Variants in FBXL7 observed in about 807,000 individuals in gnomAD.
FBXL7 encodes the protein F-box and leucine rich repeat protein 7, also known as F-box/LRR-repeat protein 7.
In FBXL7, 12 loss-of-function variants were observed where a neutral mutation model predicts 38.3. That is an observed-to-expected ratio of 0.31 (90% CI 0.20 to 0.51). The LOEUF (loss-of-function observed/expected upper bound fraction) is 0.51. Ranked by LOEUF, FBXL7 falls within the 20% of genes least tolerant of loss-of-function variation. The pLI is 0.98. For synonymous variants in FBXL7, 297 were observed against 300.9 expected (o/e 0.99, Z 0.13); for missense variants, 567 against 676.4 (o/e 0.84, Z 1.79).
At chr5:15,731,605 T>C (rs1735586587) in intron 2 of FBXL7, among the ~76,000 whole-genome samples, 1 of 151,966 alleles carries the variant, frequency 6.6e-6, no homozygotes, top group South Asian at 2.1e-4. Flanking sequence ...AAAAAATGAA[T>C]GTGCAGAGGG....
chr5:15,832,981 G>A (rs1387154752), intron 2 of FBXL7, among the ~76,000 whole-genome samples: 4 of 152,028 alleles, frequency 2.6e-5, no homozygotes, highest in Non-Finnish European at 4.4e-5. Flanking sequence ...ATATCTGATG[G>A]TTTTATAAAG....
intron 2 of FBXL7, among the ~76,000 whole-genome samples, chr5:15,687,413 C>G (rs890630420): frequency 1.3e-5 from 2 of 152,188 alleles, no homozygotes; most frequent in African/African-American, 4.8e-5. Context: ...AGAACCTGCC[C>G]CTGTTCCTTT....
At chr5:15,629,114 C>CAA (rs61037630) in intron 2 of FBXL7, among the ~76,000 whole-genome samples, 2 of 140,082 alleles carry the variant, frequency 1.4e-5, no homozygotes, top group African/African-American at 5.3e-5. Flanking sequence ...CTCGTTTCTA[C>CAA]AAAAAAAAAA....
chr5:15,699,334 A>G (rs938369197), intron 2 of FBXL7, among the ~76,000 whole-genome samples: 4 of 152,188 alleles, frequency 2.6e-5, no homozygotes, highest in African/African-American at 9.6e-5. Context: ...GACTGTGGGT[A>G]GCGACCTTCC....
intron 2 of FBXL7, among the ~76,000 whole-genome samples, chr5:15,692,729 A>G (rs986651460): frequency 1.4e-4 from 22 of 152,320 alleles, no homozygotes; most frequent in Non-Finnish European, 2.2e-4. Flanking sequence ...TGTTATTCGT[A>G]CATAGGGCTA....
At chr5:15,597,552 G>A (rs1463193559) in intron 1 of FBXL7, among the ~76,000 whole-genome samples, 2 of 143,110 alleles carry the variant, frequency 1.4e-5, no homozygotes, top group Non-Finnish European at 1.5e-5. Flanking sequence ...TAATTTCAAC[G>A]AGTTGAAGGC....
rs1194282334 is a variant in FBXL7, at chr5:15,937,346, A to G, written c.*160A>G. The G allele has an allele frequency of 2.2e-6, 2 of 900,174 alleles. No individual in the cohort carries two copies. The highest frequency in any genetic ancestry group is 1.9e-5 in the South Asian group (1 of 52,710). The allele number at this position is 900,174 out of a possible 1,614,324, so 55.8% of individuals were successfully genotyped here. On this transcript the variant is annotated 3_prime_UTR_variant, in exon 4 of 4. Coordinates refer to ENST00000504595, the MANE Select transcript of FBXL7 (RefSeq NM_012304.5). ...TTATTTTTCCTCATTTCTCATGGGC[A>G]ACAGAGGCCAAAGAAACGAAGCAAG...
intron 2 of FBXL7, among the ~76,000 whole-genome samples, chr5:15,890,523 G>A (rs1458869893): frequency 1.3e-5 from 2 of 152,154 alleles, no homozygotes; most frequent in Non-Finnish European, 2.9e-5. Context: ...TTACAGGTGT[G>A]AGTCACCGTG....
At chr5:15,631,372 G>A (rs749954540) in intron 2 of FBXL7, among the ~76,000 whole-genome samples, 15 of 152,208 alleles carry the variant, frequency 9.9e-5, no homozygotes, top group Non-Finnish European at 1.5e-4. Flanking sequence ...CCTTGGTGTC[G>A]TGAAAATATA....
intron 2 of FBXL7, among the ~76,000 whole-genome samples, chr5:15,782,810 C>A (rs1032926307): frequency 9.9e-5 from 15 of 151,736 alleles, no homozygotes; most frequent in African/African-American, 3.4e-4. Context: ...TTTTAATAGC[C>A]GAGGTTGGGA....
intron 2 of FBXL7, among the ~76,000 whole-genome samples, chr5:15,776,751 A>G (rs977360528): frequency 1.3e-5 from 2 of 152,152 alleles, no homozygotes; most frequent in Non-Finnish European, 2.9e-5. Flanking sequence ...AGCTTTTTTC[A>G]GAAGCATATT....
At chr5:15,869,421 C>T (rs964996758) in intron 2 of FBXL7, among the ~76,000 whole-genome samples, 22 of 152,108 alleles carry the variant, frequency 1.4e-4, no homozygotes, top group African/African-American at 4.1e-4. Flanking sequence ...TACTTCCGGC[C>T]GACACATGTG....
intron 2 of FBXL7, among the ~76,000 whole-genome samples, chr5:15,690,996 T>TC (rs1743164846): frequency 6.6e-6 from 1 of 152,250 alleles, no homozygotes. Flanking sequence ...GCCCTTTTCA[T>TC]CTTCACTTAA....
chr5:15,826,527 T>C (rs1738313961), intron 2 of FBXL7, among the ~76,000 whole-genome samples: 1 of 152,204 alleles, frequency 6.6e-6, no homozygotes, highest in African/African-American at 2.4e-5. Context: ...CTAGTGATTC[T>C]TGTGCCTCAG....
intron 1 of FBXL7, among the ~76,000 whole-genome samples, chr5:15,569,795 A>T (rs1307337688): frequency 1.3e-5 from 2 of 152,210 alleles, no homozygotes; most frequent in Non-Finnish European, 2.9e-5. Flanking sequence ...AGTTTTTAGC[A>T]TGAAGCGTTG....
rs777273425 is a variant in FBXL7, at chr5:15,936,607, G to T, written c.897G>T (p.Gln299His). ...GLHTIAAHCT[Q>H]LTHLYLRRCV... is the part of the protein sequence containing the mutation. Reference sequence around the variant, plus strand: ...ACACCATCGCGGCGCACTGCACGCAGCTCACCCACCTCTACCTGCGCCGCT... The same window carrying T: ...ACACCATCGCGGCGCACTGCACGCATCTCACCCACCTCTACCTGCGCCGCT... Residue 299 changes from glutamine to histidine, a missense_variant, in exon 4 of 4, where the codon CAG (glutamine) becomes CAT (histidine). Coordinates refer to ENST00000504595, the MANE Select transcript of FBXL7 (RefSeq NM_012304.5). This position sits in a 1 kb window ranked among gnomAD's most constrained non-coding sequence, Gnocchi z 6.0. 1 of 1,610,756 alleles carries T rather than the reference G, an allele frequency of 6.2e-7. No homozygotes were observed.
intron 1 of FBXL7, chr5:15,501,611 A>C (rs1013292694): frequency 1.0e-6 from 1 of 985,408 alleles, no homozygotes; most frequent in Admixed American, 6.1e-5. Flanking sequence ...AGTTGGTTAC[A>C]AAGGAGGGGC....
intron 2 of FBXL7, among the ~76,000 whole-genome samples, chr5:15,812,208 A>G (rs1011139060): frequency 6.6e-6 from 1 of 152,124 alleles, no homozygotes; most frequent in African/African-American, 2.4e-5. Flanking sequence ...GAAGCTGGAA[A>G]CCATCATTCT....
intron 2 of FBXL7, among the ~76,000 whole-genome samples, chr5:15,875,726 G>A (rs1740174063): frequency 6.6e-6 from 1 of 152,164 alleles, no homozygotes; most frequent in Non-Finnish European, 1.5e-5. Context: ...CAGTTAAAAT[G>A]GTGATCATTA....
Sources: allele counts gnomAD v4.1 joint callset (sites outside exome capture counted in the v4.1 genomes callset), GRCh38; gene constraint gnomAD v4.1.1; non-coding constraint Gnocchi (gnomAD v3.1); transcripts MANE v1.5; gene names NCBI Gene and HGNC (gene_info 2026-07-23, HGNC 2026-07-21).